The following GNA14 variants were observed in gnomAD, a reference collection of about 807,000 sequenced individuals.
The protein encoded by GNA14 is G protein subunit alpha 14.
Under a neutral mutation model 42.0 loss-of-function variants are expected in GNA14, and 50 were observed. That is an observed-to-expected ratio of 1.19 (90% CI 0.95 to 1.51). GNA14 has a LOEUF of 1.51. Among genes scored for constraint, GNA14 ranks in the 40% most tolerant of loss-of-function variants. The pLI is 0.00. For synonymous variants in GNA14, 173 were observed against 163.1 expected (o/e 1.06, Z -0.46); for missense variants, 473 against 446.2 (o/e 1.06, Z -0.54).
intron 2 of GNA14, among the ~76,000 whole-genome samples, chr9:77,519,720 G>A (rs1837320732): frequency 6.6e-6 from 1 of 152,050 alleles, no homozygotes; most frequent in African/African-American, 2.4e-5. Context: ...TGGTTACACT[G>A]AAAGCCCAGA....
intron 2 of GNA14, among the ~76,000 whole-genome samples, chr9:77,528,133 CT>C (rs1048971482): frequency 1.3e-5 from 2 of 152,014 alleles, no homozygotes; most frequent in African/African-American, 4.8e-5. Flanking sequence ...TGCTTTAAAA[CT>C]TTTTTTAATC....
intron 2 of GNA14, among the ~76,000 whole-genome samples, chr9:77,491,640 C>A (rs1197252112): frequency 6.6e-6 from 1 of 152,162 alleles, no homozygotes; most frequent in Non-Finnish European, 1.5e-5. Flanking sequence ...ATCCATCCAA[C>A]ATTGGAACTC....
In GNA14 at chr9:77,466,283, A is replaced by G. The variant is rs1380730762; in HGVS notation, c.310-31761T>C. 2.0e-5 allele frequency among the ~76,000 whole-genome samples: 3 copies of G among 151,974 alleles called. No individual in the cohort carries two copies. The East Asian group carries it at 5.8e-4, about 29-fold the overall frequency. ...AAATGGTGCCCCATGTTGATCTGAGACCATGCTTCCTTTTCTTTCTTCTTT... is the reference window on the plus strand; with the variant it reads ...AAATGGTGCCCCATGTTGATCTGAGGCCATGCTTCCTTTTCTTTCTTCTTT... On this transcript the variant is annotated intron_variant, in intron 2 of 6. Transcript: ENST00000341700.
At chr9:77,617,217 A>G (rs28376826) in intron 1 of GNA14, among the ~76,000 whole-genome samples, 3,452 of 152,214 alleles carry the variant, frequency 0.023, 139 homozygotes, top group African/African-American at 0.078. Context: ...TCACAATTAT[A>G]AAGATGTAGC....
intron 2 of GNA14, 51 bp downstream of exon 2, chr9:77,529,018 G>A: frequency 6.8e-7 from 1 of 1,461,760 alleles, no homozygotes. Flanking sequence ...GCTAACCAGA[G>A]TGGGCAGGCA....
intron 1 of GNA14, among the ~76,000 whole-genome samples, chr9:77,628,413 A>G (rs908759546): frequency 6.6e-6 from 1 of 152,238 alleles, no homozygotes; most frequent in African/African-American, 2.4e-5. Context: ...GAAGCAAAAA[A>G]GAGCCCATAT....
In GNA14 at chr9:77,507,332, G is replaced by A. The variant is rs571265602; in HGVS notation, c.309+21737C>T. Among the ~76,000 whole-genome samples the A allele has an allele frequency of 4.6e-5, 7 of 152,272 alleles. 1 individual carries two copies. The South Asian group carries it at 1.2e-3, about 27-fold the overall frequency. The stretch of plus-strand genomic sequence containing the variant: ...AATGGCTCGTTGGGGTGAGGAAGAG[G>A]TCAGGTCTCAAAAGGAAGTTATTTC... On this transcript the variant is annotated intron_variant, in intron 2 of 6. Transcript: ENST00000341700.
intron 1 of GNA14, among the ~76,000 whole-genome samples, chr9:77,617,161 C>T (rs1564067468): frequency 6.6e-6 from 1 of 151,992 alleles, no homozygotes; most frequent in Admixed American, 6.5e-5. Context: ...TGAGCCACTG[C>T]GCTCGGCCTC....
At chr9:77,488,344 C>A (rs1836696374) in intron 2 of GNA14, among the ~76,000 whole-genome samples, 2 of 152,156 alleles carry the variant, frequency 1.3e-5, no homozygotes, top group South Asian at 4.2e-4. Flanking sequence ...CTAGCCTCCC[C>A]ACCTTCTTGG....
intron 1 of GNA14, among the ~76,000 whole-genome samples, chr9:77,578,426 T>C (rs899182884): frequency 6.6e-6 from 1 of 152,210 alleles, no homozygotes; most frequent in African/African-American, 2.4e-5. Flanking sequence ...ATGACAGTTT[T>C]ATATTGCTTG....
At chr9:77,643,703 G>A (rs542283094) in intron 1 of GNA14, among the ~76,000 whole-genome samples, 3 of 152,320 alleles carry the variant, frequency 2.0e-5, no homozygotes, top group African/African-American at 7.2e-5. Flanking sequence ...TAAGCAGGAA[G>A]AGGAATTTTA....
intron 1 of GNA14, among the ~76,000 whole-genome samples, chr9:77,581,079 T>C (rs957524052): frequency 1.3e-5 from 2 of 151,984 alleles, no homozygotes; most frequent in African/African-American, 4.8e-5. Context: ...GTTTGAATTA[T>C]AAATGACTTG....
intron 3 of GNA14, among the ~76,000 whole-genome samples, chr9:77,434,069 T>C (rs1293813096): frequency 2.6e-5 from 4 of 152,166 alleles, no homozygotes; most frequent in Admixed American, 2.6e-4. Context: ...AGGAGATCAG[T>C]CCCACTTAAG....
intron 1 of GNA14, among the ~76,000 whole-genome samples, chr9:77,566,961 C>T (rs553940818): frequency 2.6e-5 from 4 of 152,212 alleles, no homozygotes; most frequent in South Asian, 4.2e-4. Flanking sequence ...ATACCCAGGG[C>T]CCCAAAGCTC....
At chr9:77,642,907 G>A (rs1824291067) in intron 1 of GNA14, among the ~76,000 whole-genome samples, 1 of 152,182 alleles carries the variant, frequency 6.6e-6, no homozygotes, top group Non-Finnish European at 1.5e-5. Flanking sequence ...AGGAGAGTTT[G>A]TGCATGTCTC....
intron 1 of GNA14, among the ~76,000 whole-genome samples, chr9:77,601,014 G>A (rs894147039): frequency 2.0e-5 from 3 of 152,202 alleles, no homozygotes; most frequent in Non-Finnish European, 2.9e-5. Flanking sequence ...TCTCCGATGC[G>A]CCTGCGCACT....
intron 1 of GNA14, among the ~76,000 whole-genome samples, chr9:77,635,635 T>C (rs1824172630): frequency 6.6e-6 from 1 of 152,350 alleles, no homozygotes; most frequent in Non-Finnish European, 1.5e-5. Flanking sequence ...ATTAACATTT[T>C]TGAGGGTGAA....
chr9:77,567,422 T>C (rs1822983786), intron 1 of GNA14, among the ~76,000 whole-genome samples: 1 of 152,232 alleles, frequency 6.6e-6, no homozygotes, highest in Non-Finnish European at 1.5e-5. Flanking sequence ...ACTATCATCC[T>C]GGAGTGAATT....
At chr9:77,505,481 C>A (rs1165824053) in intron 2 of GNA14, among the ~76,000 whole-genome samples, 2 of 152,210 alleles carry the variant, frequency 1.3e-5, no homozygotes, top group Non-Finnish European at 2.9e-5. Context: ...CATTTCCCTG[C>A]AGACTGGAAG....
Sources: gnomAD v4.1 joint callset for allele counts (sites outside exome capture counted in the v4.1 genomes callset) on GRCh38, gnomAD v4.1.1 for gene constraint, MANE v1.5 for transcripts, NCBI Gene and HGNC (gene_info 2026-07-23, HGNC 2026-07-21) for gene names.